The following GFRA3 variants were observed in gnomAD, a reference collection of about 807,000 sequenced individuals.
The protein encoded by GFRA3 is GDNF family receptor alpha-3.
Under a neutral mutation model 40.0 loss-of-function variants are expected in GFRA3, and 24 were observed. The ratio of observed to expected loss-of-function variants is 0.60; its 90% confidence interval spans 0.43 to 0.84. The LOEUF (loss-of-function observed/expected upper bound fraction) is 0.84. Among genes scored for constraint, GFRA3 ranks in the 40% least tolerant of loss-of-function variants. The probability of loss-of-function intolerance (pLI) is 0.00; values close to 1 mark genes in which losing one functional copy is unlikely to be tolerated. For missense variants in GFRA3, 405 were observed against 530.6 expected (o/e 0.76, Z 2.33); for synonymous variants, 203 against 213.5 (o/e 0.95, Z 0.43).
intron 1 of GFRA3, among the ~76,000 whole-genome samples, chr5:138,272,872 G>C (rs1389371707): frequency 6.6e-6 from 1 of 152,060 alleles, no homozygotes; most frequent in Admixed American, 6.6e-5. Flanking sequence ...ACCTGGTTTT[G>C]TAACTTTGTT....
chr5:138,271,913 T>TGTGTGTGTGTGTGTG (rs1554111239), intron 1 of GFRA3, among the ~76,000 whole-genome samples: 1 of 54,332 alleles, frequency 1.8e-5, no homozygotes, highest in African/African-American at 7.0e-5. Flanking sequence ...TTTTTTTTTT[T>TGTGTGTGTGTGTGTG]TGTGTGTGTG....
At chr5:138,271,426 C>T (rs545757663) in intron 1 of GFRA3, among the ~76,000 whole-genome samples, 1 of 152,228 alleles carries the variant, frequency 6.6e-6, no homozygotes, top group Admixed American at 6.5e-5. Flanking sequence ...TTGGGGGCCA[C>T]GTTAAATTTC....
intron 2 of GFRA3, 77 bp from the exon 3 acceptor site, chr5:138,259,726 A>G (rs1581509308): frequency 1.3e-6 from 1 of 779,134 alleles, no homozygotes; most frequent in African/African-American, 1.7e-5. Context: ...CTGCTGGCTC[A>G]GACCTCAAAG....
chr5:138,260,756 G>A (rs1225717613), intron 2 of GFRA3, among the ~76,000 whole-genome samples: 3 of 141,964 alleles, frequency 2.1e-5, no homozygotes, highest in Non-Finnish European at 3.1e-5. Flanking sequence ...GCGACAGTGA[G>A]TCTCCATCTG....
intron 1 of GFRA3, among the ~76,000 whole-genome samples, chr5:138,273,788 G>A (rs1269387856): frequency 6.6e-6 from 1 of 152,164 alleles, no homozygotes; most frequent in Non-Finnish European, 1.5e-5. Flanking sequence ...AACATCTATT[G>A]TGGATTATTT....
chr5:138,263,112 C>T (rs1458708255), intron 2 of GFRA3, among the ~76,000 whole-genome samples: 2 of 152,018 alleles, frequency 1.3e-5, no homozygotes, highest in Admixed American at 6.6e-5. Context: ...ATTACAGGTG[C>T]CCACCACCAT....
chr5:138,261,711 A>AG (rs1383663124), intron 2 of GFRA3, among the ~76,000 whole-genome samples: 3 of 151,070 alleles, frequency 2.0e-5, no homozygotes, highest in Non-Finnish European at 4.4e-5. Flanking sequence ...AAAAAAAAAA[A>AG]AAAAAAGAAG....
chr5:138,272,509 G>A (rs1674331574), intron 1 of GFRA3, among the ~76,000 whole-genome samples: 1 of 150,098 alleles, frequency 6.7e-6, no homozygotes, highest in African/African-American at 2.5e-5. Flanking sequence ...CAGGTGTGGT[G>A]GCACACTACT....
chr5:138,253,555 C>T (rs749086170), intron 6 of GFRA3, among the ~76,000 whole-genome samples, 180 bp from the exon 7 acceptor site: 5 of 152,120 alleles, frequency 3.3e-5, no homozygotes, highest in Non-Finnish European at 7.3e-5. Context: ...TCCCTGGGTT[C>T]CAGACAGGTT....
chr5:138,260,070 T>TA lies in GFRA3; in HGVS notation c.380-422dup, dbSNP rs550986549. Among the ~76,000 whole-genome samples, 388 of 152,316 alleles carry TA rather than the reference T, an allele frequency of 2.5e-3. 2 individuals carry two copies. Among genetic ancestry groups the TA allele is most frequent in the African/African-American group, 8.5e-3 (353 of 41,570 alleles). On this transcript the variant is annotated intron_variant, in intron 2 of 7. Transcript: ENST00000274721. ...AGGGAGCAAGGAGTGTGGTAAACTG[T>TA]ATTATTGTTTCCAATTATTTGTTCC...
Position 138,257,825 on chromosome 5 carries a change from A to G in GFRA3, c.599T>C (p.Leu200Pro). The change falls in exon 4 of 8, where the codon CTG becomes CCG. Residue 200 changes from leucine (L) to proline (P), a missense_variant. Leu to Pro is a moderately conservative substitution (Grantham distance 98). Transcript: ENST00000274721. The part of the protein sequence containing the change: ...HCQRHVCLRQ[L>P]LTFFEKAAEP... The stretch of plus-strand genomic sequence containing the variant: ...GGCGGCCTTCTCGAAGAAAGTGAGC[A>G]GCTGCCTGAGGCAGACGTGGCGCTG... 6.2e-7 allele frequency: 1 copy of G among 1,613,766 alleles called. No individual in the cohort carries two copies. Among genetic ancestry groups the G allele is most frequent in the Non-Finnish European group, 8.5e-7 (1 of 1,179,892 alleles).
At chr5:138,271,913 T>TTTTTGTGTGTGTGTGTGTGTGTGTGTG in intron 1 of GFRA3, among the ~76,000 whole-genome samples, 1 of 54,326 alleles carries the variant, frequency 1.8e-5, no homozygotes, top group Non-Finnish European at 3.5e-5. Flanking sequence ...TTTTTTTTTT[T>TTTTTGTGTGTGTGTGTGTGTGTGTGTG]TGTGTGTGTG....
At chr5:138,272,774 G>C (rs2126622984) in intron 1 of GFRA3, among the ~76,000 whole-genome samples, 1 of 152,238 alleles carries the variant, frequency 6.6e-6, no homozygotes, top group South Asian at 2.1e-4. Context: ...TTTCCAGCTT[G>C]TTATAGTCCA....
intron 2 of GFRA3, among the ~76,000 whole-genome samples, chr5:138,260,644 C>G (rs1755696771): frequency 6.6e-6 from 1 of 152,108 alleles, no homozygotes; most frequent in African/African-American, 2.4e-5. Flanking sequence ...TGGCGCATGC[C>G]TGTAATCCCA....
chr5:138,253,514 C>T, intron 6 of GFRA3, 139 bp from the exon 7 acceptor site: 2 of 698,722 alleles, frequency 2.9e-6, no homozygotes. Context: ...GGGATACTCT[C>T]TCATTCTGCT....
chr5:138,254,016 C>T, intron 5 of GFRA3, 41 bp downstream of exon 5: 1 of 1,560,460 alleles, frequency 6.4e-7, no homozygotes, highest in Non-Finnish European at 8.8e-7. Flanking sequence ...ACCCTCAGGC[C>T]TAGCCAACAT....
At chr5:138,256,088 G>A (rs1755623168) in intron 4 of GFRA3, among the ~76,000 whole-genome samples, 1 of 151,732 alleles carries the variant, frequency 6.6e-6, no homozygotes, top group Non-Finnish European at 1.5e-5. Flanking sequence ...AAAATTAGCT[G>A]GGCGTGGTGG....
At position 138,252,729 on chromosome 5, in the gene GFRA3, AC is replaced by A; in HGVS notation, c.*238del. The A allele has an allele frequency of 2.3e-6, 1 of 427,132 alleles. No individual in the cohort carries two copies. The highest frequency in any genetic ancestry group is 4.0e-5 in the East Asian group (1 of 25,042). The allele number at this position is 427,132 out of a possible 1,614,324, so 26.5% of individuals were successfully genotyped here. A position where few individuals can be genotyped will look rare whatever the true frequency, so the allele number is the denominator to read the frequency against. ...AAGGGGCTTGGTGGAGCTGGTCACCACCAGATGACATGGCTAAATTGTGGCC... is the reference window on the plus strand; with the variant it reads ...AAGGGGCTTGGTGGAGCTGGTCACCACAGATGACATGGCTAAATTGTGGCC... On this transcript the variant is annotated 3_prime_UTR_variant, in exon 8 of 8. Transcript: ENST00000274721.
Position 138,253,020 on chromosome 5 carries a change from G to A in GFRA3, c.1151C>T (p.Pro384Leu), listed in dbSNP as rs1755571384. Residue 384 changes from proline to leucine, a missense_variant, in exon 8 of 8, where the codon CCC becomes CTC. Pro to Leu is a moderately conservative substitution (Grantham distance 98). Coordinates refer to ENST00000274721, the MANE Select transcript of GFRA3 (RefSeq NM_001496.4). ...NPAVRPQPWV[P>L]SLFSCTLPLI... ...GGGAAGCGTGCAGGAGAAAAGAGAG[G>A]GCACCCAGGGCTGTGGCCTCACAGC... The A allele has an allele frequency of 6.2e-7, 1 of 1,609,200 alleles. No individual in the cohort carries two copies.
Sources: gnomAD v4.1 joint callset for allele counts (sites outside exome capture counted in the v4.1 genomes callset) on GRCh38, gnomAD v4.1.1 for gene constraint, MANE v1.5 for transcripts, NCBI Gene and HGNC (gene_info 2026-07-23, HGNC 2026-07-21) for gene names.